Variants in GEMIN5 observed in about 807,000 individuals in gnomAD.
GEMIN5 encodes gem-associated protein 5.
In GEMIN5, 124 loss-of-function variants were observed where a neutral mutation model predicts 176.9. The observed-to-expected ratio is 0.70, with a 90% CI of 0.61 to 0.81. The LOEUF (loss-of-function observed/expected upper bound fraction) is 0.81. GEMIN5 is among the 40% of genes least tolerant of loss of function. The probability of loss-of-function intolerance (pLI) is 0.00; values close to 1 mark genes in which losing one functional copy is unlikely to be tolerated. For missense variants in GEMIN5, 1,843 were observed against 1,814.6 expected, an observed-to-expected ratio of 1.02 and a Z score of -0.28; for synonymous variants, 673 against 665.2, an observed-to-expected ratio of 1.01 and a Z score of -0.18.
At chr5:154,899,047 G>T in intron 22 of GEMIN5, 144 bp downstream of exon 22, 1 of 775,226 alleles carries the variant, frequency 1.3e-6, no homozygotes, top group Non-Finnish European at 2.1e-6. Context: ...TGAGTCTTAT[G>T]AAACTAAGTT....
intron 6 of GEMIN5, among the ~76,000 whole-genome samples, chr5:154,927,883 T>C (rs1313675987): frequency 1.3e-5 from 2 of 151,768 alleles, no homozygotes; most frequent in Non-Finnish European, 2.9e-5. Context: ...CCCAGTTACT[T>C]GGGAGGCTGA....
At chr5:154,904,655 T>A in intron 17 of GEMIN5, 26 bp from the exon 18 acceptor site, 1 of 1,583,726 alleles carries the variant, frequency 6.3e-7, no homozygotes, top group South Asian at 1.1e-5. Flanking sequence ...GTACATACTA[T>A]CTGAAGGAGA....
chr5:154,895,569 T>C (rs1763331533), intron 24 of GEMIN5, among the ~76,000 whole-genome samples: 1 of 152,186 alleles, frequency 6.6e-6, no homozygotes. Flanking sequence ...TGCCCTACTG[T>C]TTTTATTTTA....
intron 5 of GEMIN5, among the ~76,000 whole-genome samples, chr5:154,930,557 CG>C (rs1251083263): frequency 6.6e-6 from 1 of 152,088 alleles, no homozygotes; most frequent in Non-Finnish European, 1.5e-5. Context: ...CAATGAACCT[CG>C]GGGATATATG....
chr5:154,934,165 G>A (rs111955529), intron 3 of GEMIN5, among the ~76,000 whole-genome samples: 291 of 152,122 alleles, frequency 1.9e-3, no homozygotes, highest in African/African-American at 6.4e-3. Flanking sequence ...ACAGGTGTGC[G>A]CCACCAAGTC....
In GEMIN5 at chr5:154,938,061, C is replaced by T. The variant is rs773741171; in HGVS notation, c.73G>A (p.Gly25Arg). 5.2e-6 allele frequency: 8 copies of T among 1,530,724 alleles called. No individual in the cohort carries two copies. The highest frequency in any genetic ancestry group is 7.0e-6 in the Non-Finnish European group (8 of 1,142,830). The allele number at this position is 1,530,724 out of a possible 1,614,324, so 94.8% of individuals were successfully genotyped here. Reference sequence around the variant, plus strand: ...CGCGCGGCGAAGCCAAAGAGGCCCCCGGGCACGGCATCGCTGCAGCGGGCG... The same window carrying T: ...CGCGCGGCGAAGCCAAAGAGGCCCCTGGGCACGGCATCGCTGCAGCGGGCG... ...YCARCSDAVPGGLFGFAARTS... is the reference protein window; with the variant it reads ...YCARCSDAVPRGLFGFAARTS... The change falls in exon 1 of 28, where the codon GGG becomes AGG. Residue 25 changes from glycine (G) to arginine (R), a missense_variant. Gly to Arg is a moderately radical substitution (Grantham distance 125). Transcript: ENST00000285873.
rs192959952 is a variant in GEMIN5, at chr5:154,905,678, A to T, written c.2396-202T>A. Among the ~76,000 whole-genome samples, 274 of 152,048 alleles carry T rather than the reference A, an allele frequency of 1.8e-3. 1 individual carries two copies. Among genetic ancestry groups the T allele is most frequent in the Middle Eastern group, 6.8e-3 (2 of 292 alleles). The stretch of plus-strand genomic sequence containing the variant: ...ACCTCCCAAACTAGCTGTTTTCAGG[A>T]ATCTGTAAGTCTATTACTTTGGTTT... On this transcript the variant is annotated intron_variant, in intron 16 of 27. Coordinates refer to ENST00000285873, the MANE Select transcript of GEMIN5 (RefSeq NM_015465.5).
In GEMIN5 at chr5:154,888,327, G is replaced by A. The variant is rs753253459; in HGVS notation, c.4410C>T (p.Ile1470=). Residue 1470 remains isoleucine, a synonymous_variant, in exon 28 of 28, where the codon ATC becomes ATT. Coordinates refer to ENST00000285873, the MANE Select transcript of GEMIN5 (RefSeq NM_015465.5). ...VLECCLVLLL[I]RSHFPGCLAQ... ...CCAGACAGCCAGGAAAGTGGGACCT[G>A]ATGAGAAGCAGGACGAGGCAGCACT... is the stretch of plus-strand genomic sequence containing the variant. The A allele has an allele frequency of 5.0e-6, 8 of 1,614,164 alleles. No individual in the cohort carries two copies. The highest frequency in any genetic ancestry group is 5.9e-6 in the Non-Finnish European group (7 of 1,180,008).
chr5:154,900,772 A>G (rs1184304084), intron 21 of GEMIN5, among the ~76,000 whole-genome samples: 1 of 152,226 alleles, frequency 6.6e-6, no homozygotes, highest in East Asian at 1.9e-4. Context: ...ACAAAGAATG[A>G]CTAGGTAACT....
chr5:154,913,740 C>T (rs1283272355), intron 13 of GEMIN5, among the ~76,000 whole-genome samples: 1 of 152,100 alleles, frequency 6.6e-6, no homozygotes, highest in African/African-American at 2.4e-5. Context: ...CTGCTTGAGC[C>T]TGGGAGGCAG....
rs1053902573 is a variant in GEMIN5 at position 154,935,952 on chromosome 5, A to G, written c.398T>C (p.Val133Ala). 1 of 1,610,348 alleles carries G rather than the reference A, an allele frequency of 6.2e-7. No individual in the cohort carries two copies. The highest frequency in any genetic ancestry group is 1.3e-5 in the African/African-American group (1 of 74,776). Residue 133 changes from valine to alanine, a missense_variant, in exon 3 of 28, where the codon GTA becomes GCA. By Grantham distance (64) the Val-to-Ala change is moderately conservative. Coordinates refer to ENST00000285873, the MANE Select transcript of GEMIN5 (RefSeq NM_015465.5). ...TCTGTTAAACCAGTAACAGAAAACTACTCCTTTTTCATCCCCAGATACTAT... is the reference window on the plus strand; with the variant it reads ...TCTGTTAAACCAGTAACAGAAAACTGCTCCTTTTTCATCCCCAGATACTAT... Reference protein sequence around the residue: ...DLIVSGDEKGVVFCYWFNRND... With the variant: ...DLIVSGDEKGAVFCYWFNRND...
intron 19 of GEMIN5, 24 bp from the exon 20 acceptor site, chr5:154,902,700 T>C: frequency 6.2e-7 from 1 of 1,610,424 alleles, no homozygotes; most frequent in Non-Finnish European, 8.5e-7. Context: ...AGATAATGTT[T>C]GGAAGGTGTT....
chr5:154,937,998 C>G lies in GEMIN5; in HGVS notation c.136G>C (p.Gly46Arg), dbSNP rs372853309. 59 of 1,572,420 alleles carry G rather than the reference C, an allele frequency of 3.8e-5. No homozygotes were observed. Among genetic ancestry groups the G allele is most frequent in the Non-Finnish European group, 4.6e-5 (54 of 1,161,980 alleles). Residue 46 changes from glycine (G) to arginine (R), a missense_variant, in exon 1 of 28, where the codon GGC (glycine) becomes CGC (arginine). Physicochemically the swap from Gly to Arg is moderately radical, Grantham distance 125 (BLOSUM62 -2). Coordinates refer to ENST00000285873, the MANE Select transcript of GEMIN5 (RefSeq NM_015465.5). ...VFLVRVGPGA[G>R]ESPGTPPFRV... The stretch of plus-strand genomic sequence containing the variant: ...AACGGGGGTGTCCCTGGACTCTCGC[C>G]TGCGCCCGGGCCCACGCGGACAAGG...
intron 3 of GEMIN5, among the ~76,000 whole-genome samples, chr5:154,934,652 TTCTCCC>T (rs1266958009): frequency 3.9e-5 from 6 of 152,114 alleles, no homozygotes; most frequent in African/African-American, 9.7e-5. Flanking sequence ...CCCCGTCTCC[TTCTCCC>T]TCTCCCTCAA....
rs1764169621 is a variant in GEMIN5 at position 154,931,741 on chromosome 5, G to A, written c.662-164C>T. ...TTAAAATGATATAATTCGGCCTGGT[G>A]CAGTGGCTCACGCCTGTAATCCCAG... On this transcript the variant is annotated intron_variant, in intron 4 of 27. Transcript: ENST00000285873. 1.2e-5 allele frequency: 7 copies of A among 596,528 alleles called. No homozygotes were observed. The East Asian group carries it at 2.1e-4, about 18-fold the overall frequency. The allele number at this position is 596,528 out of a possible 1,614,324, so 37.0% of individuals were successfully genotyped here. A position where few individuals can be genotyped will look rare whatever the true frequency, so the allele number is the denominator to read the frequency against.
chr5:154,922,800 A>T (rs1364481843), intron 9 of GEMIN5, among the ~76,000 whole-genome samples: 3 of 41,634 alleles, frequency 7.2e-5, no homozygotes, highest in African/African-American at 1.5e-4. Flanking sequence ...GGGTTCAAGC[A>T]ATTCTCCTAC....
chr5:154,912,512 T>TG (rs1026425854), intron 14 of GEMIN5, among the ~76,000 whole-genome samples: 40 of 152,336 alleles, frequency 2.6e-4, no homozygotes, highest in African/African-American at 8.7e-4. Context: ...ATTTAGAACT[T>TG]GGAGATTTCT....
chr5:154,932,489 A>G (rs147399993), intron 3 of GEMIN5, among the ~76,000 whole-genome samples: 3 of 152,342 alleles, frequency 2.0e-5, no homozygotes, highest in Admixed American at 2.0e-4. Flanking sequence ...GGCACTAGGT[A>G]ATACTATGTA....
rs140599853 is a variant in GEMIN5, at chr5:154,898,786, T to C, written c.3135-136A>G. 275 of 729,166 alleles carry C rather than the reference T, an allele frequency of 3.8e-4. 4 individuals carry two copies. The East Asian group carries it at 7.3e-3, about 19-fold the overall frequency. 45.2% of individuals were successfully genotyped at this position (729,166 alleles called of 1,614,324 possible). A position where few individuals can be genotyped will look rare whatever the true frequency, so the allele number is the denominator to read the frequency against. Reference sequence around the variant, plus strand: ...GGTCCCAGGTATGTCACTGCCCCGGTTGTTCCTGTGAAGGCTGAGGCCAAC... The same window carrying C: ...GGTCCCAGGTATGTCACTGCCCCGGCTGTTCCTGTGAAGGCTGAGGCCAAC... On this transcript the variant is annotated intron_variant, in intron 22 of 27. Transcript: ENST00000285873.
Sources: gnomAD v4.1 joint callset for allele counts (sites outside exome capture counted in the v4.1 genomes callset) on GRCh38, gnomAD v4.1.1 for gene constraint, MANE v1.5 for transcripts, NCBI Gene and HGNC (gene_info 2026-07-23, HGNC 2026-07-21) for gene names.